Variants in CHRM3 observed in about 807,000 individuals in gnomAD.
The protein encoded by CHRM3 is muscarinic acetylcholine receptor M3.
In CHRM3, 11 loss-of-function variants were observed where a neutral mutation model predicts 41.8. The observed-to-expected ratio is 0.26, with a 90% CI of 0.17 to 0.44. The LOEUF (loss-of-function observed/expected upper bound fraction) is 0.44, where lower values mean the gene tolerates loss of function less well. Among genes scored for constraint, CHRM3 ranks in the 20% least tolerant of loss-of-function variants. CHRM3 has a pLI of 1.00. For synonymous variants in CHRM3, 297 were observed against 301.4 expected (o/e 0.99, Z 0.15); for missense variants, 571 against 745.4 (o/e 0.77, Z 2.72).
intron 5 of CHRM3, among the ~76,000 whole-genome samples, chr1:239,774,306 A>T (rs1457274406): frequency 6.6e-6 from 1 of 152,116 alleles, no homozygotes; most frequent in African/African-American, 2.4e-5. Flanking sequence ...TAAATTGGGT[A>T]CTTTTAATGT....
intron 4 of CHRM3, among the ~76,000 whole-genome samples, chr1:239,652,737 T>C (rs1463474662): frequency 6.6e-6 from 1 of 152,176 alleles, no homozygotes; most frequent in Non-Finnish European, 1.5e-5. Context: ...CTACTTATAT[T>C]ACTATGGATA....
intron 1 of CHRM3, among the ~76,000 whole-genome samples, chr1:239,439,179 T>C (rs1480930035): frequency 1.3e-5 from 2 of 152,158 alleles, no homozygotes; most frequent in African/African-American, 2.4e-5. Context: ...GGTCTTTGAA[T>C]ATTGGTCAGT....
chr1:239,899,828 C>T (rs1202266694), intron 6 of CHRM3: 1 of 152,226 alleles, frequency 6.6e-6, no homozygotes, highest in Non-Finnish European at 1.5e-5. Context: ...ACTTCAGTAA[C>T]CATTCCCTGA....
At chr1:239,701,675 T>A (rs574577788) in intron 5 of CHRM3, among the ~76,000 whole-genome samples, 1 of 152,318 alleles carries the variant, frequency 6.6e-6, no homozygotes, top group East Asian at 1.9e-4. Context: ...CTGCTCCTGA[T>A]CTTTTAATAG....
intron 6 of CHRM3, among the ~76,000 whole-genome samples, chr1:239,882,504 G>A (rs1677728759): frequency 6.6e-6 from 1 of 152,114 alleles, no homozygotes; most frequent in South Asian, 2.1e-4. Context: ...TATGAGATAG[G>A]TGCTGTTATC....
intron 6 of CHRM3, among the ~76,000 whole-genome samples, chr1:239,871,509 G>T (rs1360604627): frequency 6.6e-6 from 1 of 152,056 alleles, no homozygotes; most frequent in African/African-American, 2.4e-5. Flanking sequence ...CAAAGTGCTG[G>T]GATTACAGGC....
In CHRM3 at chr1:239,589,086, G is replaced by A. The variant is rs533466084; in HGVS notation, c.-312-43138G>A. Reference sequence around the variant, plus strand: ...GTAGCTGGGATTACAGGCACGTGCCGTCATGCCTGGCTGATTTTTGTATTT... The same window carrying A: ...GTAGCTGGGATTACAGGCACGTGCCATCATGCCTGGCTGATTTTTGTATTT... On this transcript the variant is annotated intron_variant, in intron 3 of 6. Transcript: ENST00000676153. Among the ~76,000 whole-genome samples the A allele has an allele frequency of 4.5e-3, 680 of 151,772 alleles. 1 individual carries two copies. Among genetic ancestry groups the A allele is most frequent in the Non-Finnish European group, 6.8e-3 (459 of 67,886 alleles).
rs140153577 is a variant in CHRM3, at chr1:239,837,174, C to T, written c.-20+9796C>T. On this transcript the variant is annotated intron_variant, in intron 6 of 6. Coordinates refer to ENST00000676153, the MANE Select transcript of CHRM3 (RefSeq NM_001375978.1). ...CATGACAGAAATCTGTTGTTTCTCA[C>T]GATGTGTGAGGCAGGGAGACCACGT... Among the ~76,000 whole-genome samples, 7 of 152,230 alleles carry T rather than the reference C, an allele frequency of 4.6e-5. No individual in the cohort carries two copies. The East Asian group carries it at 5.8e-4, about 13-fold the overall frequency.
intron 4 of CHRM3, among the ~76,000 whole-genome samples, chr1:239,649,434 A>G (rs865869741): frequency 3.3e-5 from 5 of 152,250 alleles, no homozygotes; most frequent in Middle Eastern, 3.4e-3. Context: ...ACCTAAGGCA[A>G]TAGAAAAGAC....
chr1:239,724,079 A>T (rs1055978161), intron 5 of CHRM3, among the ~76,000 whole-genome samples: 6 of 151,642 alleles, frequency 4.0e-5, no homozygotes, highest in African/African-American at 1.2e-4. Context: ...TTTCCATCCA[A>T]GTCAATATTG....
chr1:239,621,518 A>C (rs1376161746), intron 3 of CHRM3, among the ~76,000 whole-genome samples: 1 of 152,202 alleles, frequency 6.6e-6, no homozygotes, highest in African/African-American at 2.4e-5. Context: ...TCATGAAGGA[A>C]ATGAAAAGTG....
chr1:239,796,563 G>A (rs1024724531), intron 5 of CHRM3, among the ~76,000 whole-genome samples: 3 of 151,942 alleles, frequency 2.0e-5, no homozygotes, highest in African/African-American at 7.3e-5. Context: ...TTAGGCTCTC[G>A]TGGGTGTATA....
At chr1:239,435,472 A>AG (rs1243884333) in intron 1 of CHRM3, among the ~76,000 whole-genome samples, 4 of 151,784 alleles carry the variant, frequency 2.6e-5, no homozygotes, top group African/African-American at 9.7e-5. Context: ...AAAAAAAAAA[A>AG]AAGAAGAAAA....
At chr1:239,449,263 A>ACAT in intron 1 of CHRM3, among the ~76,000 whole-genome samples, 1 of 152,342 alleles carries the variant, frequency 6.6e-6, no homozygotes, top group Admixed American at 6.5e-5. Context: ...AACCCCAAAG[A>ACAT]CATTATTACT....
intron 3 of CHRM3, among the ~76,000 whole-genome samples, chr1:239,558,107 C>G (rs753931311): frequency 1.3e-5 from 2 of 152,168 alleles, no homozygotes; most frequent in Non-Finnish European, 2.9e-5. Context: ...ACCAACAGTG[C>G]AAAAGCATTC....
chr1:239,432,212 G>C (rs7536688), intron 1 of CHRM3, among the ~76,000 whole-genome samples: 85,312 of 151,826 alleles, frequency 0.56, 24,277 homozygotes, highest in South Asian at 0.63. Flanking sequence ...ACAATCTCAT[G>C]TGGAAGTGGT....
At chr1:239,544,099 A>G (rs1659055093) in intron 2 of CHRM3, among the ~76,000 whole-genome samples, 1 of 152,080 alleles carries the variant, frequency 6.6e-6, no homozygotes, top group African/African-American at 2.4e-5. Context: ...GAGTTTGCCC[A>G]CTCCTGCTCT....
chr1:239,539,798 G>A (rs895805303), intron 2 of CHRM3, among the ~76,000 whole-genome samples: 7 of 144,698 alleles, frequency 4.8e-5, no homozygotes, highest in South Asian at 2.2e-4. Flanking sequence ...CATTTTTTTA[G>A]TAGAGATGGG....
At chr1:239,856,641 G>A (rs1449194370) in intron 6 of CHRM3, among the ~76,000 whole-genome samples, 2 of 152,150 alleles carry the variant, frequency 1.3e-5, no homozygotes, top group Non-Finnish European at 2.9e-5. Context: ...CAGATGGTAT[G>A]AGATCGCTAC....
Sources: allele counts gnomAD v4.1 joint callset (sites outside exome capture counted in the v4.1 genomes callset), GRCh38; gene constraint gnomAD v4.1.1; transcripts MANE v1.5; gene names NCBI Gene and HGNC (gene_info 2026-07-23, HGNC 2026-07-21).